Variants in COL14A1 observed in about 807,000 individuals in gnomAD.
The protein encoded by COL14A1 is collagen alpha-1(XIV) chain.
Under a neutral mutation model 230.3 loss-of-function variants are expected in COL14A1, and 136 were observed. That is an observed-to-expected ratio of 0.59 (90% CI 0.51 to 0.68). COL14A1 has a LOEUF of 0.68. COL14A1 is among the 30% of genes least tolerant of loss of function. The probability of loss-of-function intolerance (pLI) is 0.00; values close to 1 mark genes in which losing one functional copy is unlikely to be tolerated. For missense variants in COL14A1, 1,976 were observed against 2,215.8 expected (o/e 0.89, Z 2.17); for synonymous variants, 792 against 784.1 (o/e 1.01, Z -0.17).
At chr8:120,353,840 T>C (rs1468202013) in intron 45 of COL14A1, among the ~76,000 whole-genome samples, 1 of 151,910 alleles carries the variant, frequency 6.6e-6, no homozygotes, top group Non-Finnish European at 1.5e-5. Flanking sequence ...TGGCGATTCC[T>C]CAGGAATCTA....
At chr8:120,190,257 G>A (rs1461796178) in intron 5 of COL14A1, among the ~76,000 whole-genome samples, 1 of 152,130 alleles carries the variant, frequency 6.6e-6, no homozygotes, top group African/African-American at 2.4e-5. Context: ...ATTTTTTCAT[G>A]TGGTTTTTGG....
At chr8:120,277,287 C>T (rs1819885160) in intron 26 of COL14A1, among the ~76,000 whole-genome samples, 2 of 152,222 alleles carry the variant, frequency 1.3e-5, no homozygotes, top group South Asian at 4.1e-4. Flanking sequence ...GTAGTAATTA[C>T]TTCATAGGTT....
chr8:120,124,938 G>A (rs921375958), upstream of COL14A1, among the ~76,000 whole-genome samples: 3 of 152,200 alleles, frequency 2.0e-5, no homozygotes, highest in Non-Finnish European at 2.9e-5. Flanking sequence ...GCGCGTGAGC[G>A]GCACGGGGCT....
intron 7 of COL14A1, 140 bp from the exon 8 acceptor site, chr8:120,199,262 C>T (rs1333455016): frequency 4.3e-6 from 3 of 691,050 alleles, no homozygotes; most frequent in East Asian, 3.3e-5. Context: ...TGAAAGACAA[C>T]GTTATTACAA....
At chr8:120,162,601 C>T (rs768148346) in intron 4 of COL14A1, 32 bp downstream of exon 4, 1 of 1,554,216 alleles carries the variant, frequency 6.4e-7, no homozygotes, top group Non-Finnish European at 8.7e-7. Context: ...AGCACCTCCG[C>T]AGGACTCTGT....
intron 37 of COL14A1, among the ~76,000 whole-genome samples, chr8:120,312,861 C>T (rs1187670819): frequency 2.0e-5 from 3 of 152,164 alleles, no homozygotes; most frequent in African/African-American, 7.2e-5. Flanking sequence ...TAAGATGATA[C>T]ACAGATGTTG....
At chr8:120,226,004 T>G (rs1478688459) in intron 15 of COL14A1, among the ~76,000 whole-genome samples, 2 of 151,814 alleles carry the variant, frequency 1.3e-5, no homozygotes, top group African/African-American at 2.4e-5. Context: ...TTTTTTTTTT[T>G]GTTTTTAAAC....
chr8:120,313,379 A>C (rs73329094), intron 37 of COL14A1, among the ~76,000 whole-genome samples: 19,919 of 152,220 alleles, frequency 0.13, 1,424 homozygotes, highest in Non-Finnish European at 0.16. Context: ...AAATGAAAAA[A>C]GGAAGTAAAA....
At chr8:120,258,771 A>G (rs1819240223) in intron 23 of COL14A1, among the ~76,000 whole-genome samples, 1 of 152,160 alleles carries the variant, frequency 6.6e-6, no homozygotes, top group South Asian at 2.1e-4. Flanking sequence ...CCAAAGTGAG[A>G]GATTTTTGGT....
intron 21 of COL14A1, among the ~76,000 whole-genome samples, chr8:120,248,600 T>C (rs1337207344): frequency 1.3e-5 from 2 of 152,174 alleles, no homozygotes; most frequent in Non-Finnish European, 2.9e-5. Context: ...CTCATGCCTG[T>C]AATCTCAGCC....
rs1411481146 is a variant in COL14A1, at chr8:120,342,406, G to A, written c.4848G>A (p.Val1616=). Residue 1616 remains valine (V), a synonymous_variant, in exon 44 of 48, where the codon GTG becomes GTA. Transcript: ENST00000297848. ...ERGDLQSQAM[V]RSVARQVCEQ... is the part of the protein sequence containing the mutation. ...GTGACCTGCAGTCTCAAGCCATGGT[G>A]AGATCAGTGGCGCGTCAAGTATGCG... 6.2e-7 allele frequency: 1 copy of A among 1,613,896 alleles called. No homozygotes were observed. The highest frequency in any genetic ancestry group is 1.3e-5 in the African/African-American group (1 of 74,904).
chr8:120,332,422 T>C (rs1465054319), intron 41 of COL14A1, among the ~76,000 whole-genome samples: 2 of 152,180 alleles, frequency 1.3e-5, no homozygotes, highest in Non-Finnish European at 2.9e-5. Context: ...CTGCATTGAC[T>C]TAGCTTTTAT....
Position 120,162,548 on chromosome 8 carries a change from C to G in COL14A1, c.328C>G (p.Pro110Ala). Residue 110 changes from proline (P) to alanine (A), a missense_variant, in exon 4 of 48, where the codon CCA becomes GCA. Pro to Ala is a conservative substitution (Grantham distance 27). Coordinates refer to ENST00000297848, the MANE Select transcript of COL14A1 (RefSeq NM_021110.4). The stretch of plus-strand genomic sequence containing the variant: ...ATACAATAAAGATAAAGAAAGCAAG[C>G]CAGCTCAAGGCCAATTCAGAAGTAC... ...IAYNKDKESK[P>A]AQGQFRIKDL... The G allele has an allele frequency of 6.2e-7, 1 of 1,607,180 alleles. No homozygotes were observed. Among genetic ancestry groups the G allele is most frequent in the Non-Finnish European group, 8.5e-7 (1 of 1,177,098 alleles).
At chr8:120,300,393 A>T (rs2130023884) in intron 35 of COL14A1, among the ~76,000 whole-genome samples, 1 of 152,182 alleles carries the variant, frequency 6.6e-6, no homozygotes, top group South Asian at 2.1e-4. Context: ...AGTTTTCAAG[A>T]CCTTTAGTTC....
At position 120,362,135 on chromosome 8, in the gene COL14A1, G is replaced by C. The variant is rs144510997; in HGVS notation, c.5078-5036G>C. On this transcript the variant is annotated intron_variant, in intron 45 of 47. Transcript: ENST00000297848. ...GAGCCTTCGGGTCCAGCTTAGGATG[G>C]AGAGGCAGGGAGTGCAGTGGTTGAG... 4.6e-3 allele frequency among the ~76,000 whole-genome samples: 694 copies of C among 152,326 alleles called. 6 individuals carry two copies. Among genetic ancestry groups the C allele is most frequent in the African/African-American group, 0.016 (671 of 41,574 alleles).
Position 120,342,363 on chromosome 8 carries a change from CT to C in COL14A1, c.4822-10del. 5 of 1,613,336 alleles carry C rather than the reference CT, an allele frequency of 3.1e-6. No individual in the cohort carries two copies. The highest frequency in any genetic ancestry group is 4.2e-6 in the Non-Finnish European group (5 of 1,179,438). Reference sequence around the variant, plus strand: ...GGCTTGTAGCTGAGTCAGGAGTATGCTTTTTTTCTCATCCAGGGTGACCTGC... The same window carrying C: ...GGCTTGTAGCTGAGTCAGGAGTATGCTTTTTTCTCATCCAGGGTGACCTGC... On this transcript the variant is annotated splice_polypyrimidine_tract_variant and intron_variant, in intron 43 of 47. Transcript: ENST00000297848.
At chr8:120,244,818 A>G (rs1159657080) in intron 20 of COL14A1, among the ~76,000 whole-genome samples, 3 of 152,180 alleles carry the variant, frequency 2.0e-5, no homozygotes, top group Non-Finnish European at 4.4e-5. Flanking sequence ...TTCTTCTTAT[A>G]GCAGCTTGAG....
chr8:120,249,589 T>C (rs541018323), intron 21 of COL14A1, among the ~76,000 whole-genome samples: 116 of 152,318 alleles, frequency 7.6e-4, no homozygotes, highest in African/African-American at 2.7e-3. Flanking sequence ...CGGTTCTCAG[T>C]TGATGTCATT....
intron 44 of COL14A1, among the ~76,000 whole-genome samples, chr8:120,345,152 A>T (rs949322980): frequency 2.6e-5 from 4 of 152,230 alleles, no homozygotes; most frequent in African/African-American, 9.6e-5. Flanking sequence ...GCAGAATTCC[A>T]AACACATGAG....
Sources: allele counts gnomAD v4.1 joint callset (sites outside exome capture counted in the v4.1 genomes callset), GRCh38; gene constraint gnomAD v4.1.1; transcripts MANE v1.5; gene names NCBI Gene and HGNC (gene_info 2026-07-23, HGNC 2026-07-21).